The following ADAMTS13 variants were observed in gnomAD, a reference collection of about 807,000 sequenced individuals.
ADAMTS13 encodes A disintegrin and metalloproteinase with thrombospondin motifs 13.
In ADAMTS13, 110 loss-of-function variants were observed where a neutral mutation model predicts 155.1. The ratio of observed to expected loss-of-function variants is 0.71; its 90% CI spans 0.61 to 0.83. The LOEUF (loss-of-function observed/expected upper bound fraction) is 0.83, where lower values mean the gene tolerates loss of function less well. Among genes scored for constraint, ADAMTS13 ranks in the 40% least tolerant of loss-of-function variants. The pLI is 0.00. For synonymous variants in ADAMTS13, 758 were observed against 756.4 expected, an observed-to-expected ratio of 1.00 and a Z score of -0.03; for missense variants, 1,707 against 1,891.7, an observed-to-expected ratio of 0.90 and a Z score of 1.81.
chr9:133,417,684 C>A, upstream of ADAMTS13: 2 of 1,614,150 alleles, frequency 1.2e-6, no homozygotes, highest in Non-Finnish European at 1.7e-6. Context: ...CACCACAGCA[C>A]CGGGGCCGCT....
At chr9:133,450,108 G>A in intron 23 of ADAMTS13, 143 bp downstream of exon 23, 2 of 971,610 alleles carry the variant, frequency 2.1e-6, no homozygotes, top group East Asian at 5.3e-5. Context: ...GTCCAACCTG[G>A]GCAACACAGT....
Position 133,445,680 on chromosome 9 carries a change from T to C in ADAMTS13, c.2611-19T>C, listed in dbSNP as rs202206149. On this transcript the variant is annotated intron_variant, in intron 20 of 28. Coordinates refer to ENST00000355699, the MANE Select transcript of ADAMTS13 (RefSeq NM_139027.6). This position sits in a 1 kb window ranked among gnomAD's most constrained non-coding sequence, Gnocchi z 5.0. ...TCAGAGGAGGCCCAGACCCACCAGC[T>C]TGTTGCTATTCCCCACAGCTGGATG... The C allele has an allele frequency of 3.8e-3, 6,131 of 1,612,726 alleles. 17 individuals are homozygous for C. Among genetic ancestry groups the C allele is most frequent in the Non-Finnish European group, 4.6e-3 (5,426 of 1,179,828 alleles).
At position 133,445,166 on chromosome 9, in the gene ADAMTS13, C is replaced by A; in HGVS notation, c.2610+114C>A. 1 of 1,248,490 alleles carries A rather than the reference C, an allele frequency of 8.0e-7. No individual in the cohort carries two copies. The highest frequency in any genetic ancestry group is 1.1e-6 in the Non-Finnish European group (1 of 892,850). The allele number at this position is 1,248,490 out of a possible 1,614,324, so 77.3% of individuals were successfully genotyped here. ...AGGCCAGAGCAAGAACACCATCCTT[C>A]TGTGGGAATGCTGTCTGAGGGCCAC... On this transcript the variant is annotated intron_variant, in intron 20 of 28. Transcript: ENST00000355699. This position sits in a 1 kb window ranked among gnomAD's most constrained non-coding sequence, Gnocchi z 5.0.
At chr9:133,435,468 C>T (rs1841114104) in intron 11 of ADAMTS13, among the ~76,000 whole-genome samples, 1 of 151,402 alleles carries the variant, frequency 6.6e-6, no homozygotes, top group Non-Finnish European at 1.5e-5. Context: ...GGATTACAGG[C>T]ATGAGCCACC....
Position 133,424,520 on chromosome 9 carries a change from G to A in ADAMTS13, c.330+42G>A. The A allele has an allele frequency of 6.3e-7, 1 of 1,586,562 alleles. No homozygotes were observed. The highest frequency in any genetic ancestry group is 1.1e-5 in the South Asian group (1 of 88,002). On this transcript the variant is annotated intron_variant, in intron 3 of 28. Transcript: ENST00000355699. The surrounding 1 kb of genome is among the most constrained non-coding windows in gnomAD (Gnocchi z 4.3). ...GGACTGTGCAGGTCCCCACGGCCAG[G>A]GCTGGTGACCAATGTCTGTGGGCTG...
chr9:133,449,613 C>A (rs1554793746), intron 22 of ADAMTS13, among the ~76,000 whole-genome samples, 170 bp from the exon 23 acceptor site: 1 of 152,222 alleles, frequency 6.6e-6, no homozygotes, highest in Non-Finnish European at 1.5e-5. Context: ...TCTGTCCACT[C>A]TGCCAAGCCT....
intron 23 of ADAMTS13, 83 bp from the exon 24 acceptor site, chr9:133,454,332 C>A: frequency 6.6e-7 from 1 of 1,508,066 alleles, no homozygotes; most frequent in Non-Finnish European, 9.2e-7. Context: ...TGTCCGAGTA[C>A]ACGTGGGTGG....
intron 2 of ADAMTS13, among the ~76,000 whole-genome samples, chr9:133,423,395 C>T (rs191465854): frequency 6.6e-6 from 1 of 152,336 alleles, no homozygotes; most frequent in Non-Finnish European, 1.5e-5. Context: ...TGTTAAATAT[C>T]ACAAGGGAAC....
Position 133,430,804 on chromosome 9 carries a change from G to A in ADAMTS13, c.987+703G>A, listed in dbSNP as rs1037021077. Among the ~76,000 whole-genome samples, 6 of 151,772 alleles carry A rather than the reference G, an allele frequency of 4.0e-5. No individual in the cohort carries two copies. In the East Asian group the frequency reaches 9.7e-4, roughly 24 times the overall value. ...GCCTCCCGAGTAGCTGGGACTACAG[G>A]CGCCCGCCACCACGCCTGGCTAATT... is the stretch of plus-strand genomic sequence containing the variant. On this transcript the variant is annotated intron_variant, in intron 8 of 28. Transcript: ENST00000355699.
At chr9:133,443,591 A>G (rs1841848213) in intron 19 of ADAMTS13, 30 bp downstream of exon 19, 4 of 1,518,596 alleles carry the variant, frequency 2.6e-6, no homozygotes, top group Middle Eastern at 2.3e-4. Context: ...GGGCTGGGAG[A>G]GGGCCTTCCT....
At chr9:133,438,976 C>T (rs1165488029) in intron 14 of ADAMTS13, among the ~76,000 whole-genome samples, 1 of 151,428 alleles carries the variant, frequency 6.6e-6, no homozygotes, top group Non-Finnish European at 1.5e-5. Context: ...CTCTCCTGCT[C>T]AAGAAATCCC....
intron 16 of ADAMTS13, 139 bp from the exon 17 acceptor site, chr9:133,442,260 C>T (rs940880346): frequency 2.4e-5 from 33 of 1,361,214 alleles, no homozygotes; most frequent in East Asian, 1.6e-4. Context: ...CATGAGCTAC[C>T]GTGCCTGGCC....
Position 133,425,303 on chromosome 9 carries a change from T to A in ADAMTS13, c.331-226T>A, listed in dbSNP as rs1554784934. Among the ~76,000 whole-genome samples, 1 of 152,182 alleles carries A rather than the reference T, an allele frequency of 6.6e-6. No homozygotes were observed. Among genetic ancestry groups the A allele is most frequent in the African/African-American group, 2.4e-5 (1 of 41,452 alleles). On this transcript the variant is annotated intron_variant, in intron 3 of 28. Coordinates refer to ENST00000355699, the MANE Select transcript of ADAMTS13 (RefSeq NM_139027.6). The surrounding 1 kb of genome is among the most constrained non-coding windows in gnomAD (Gnocchi z 4.6). ...CTCATCCCCTTGCTTTGGAGTTTGT[T>A]TTCCTTGCGTTAGTTGGCCTTCCTG...
At position 133,454,097 on chromosome 9, in the gene ADAMTS13, C is replaced by T. The variant is rs963970619; in HGVS notation, c.3045-318C>T. On this transcript the variant is annotated intron_variant, in intron 23 of 28. Coordinates refer to ENST00000355699, the MANE Select transcript of ADAMTS13 (RefSeq NM_139027.6). Reference sequence around the variant, plus strand: ...ATCTGTCTCCTGTTACCCAGGGGCTCGCTTCCTGTTGCTGTTACTTGGGTC... The same window carrying T: ...ATCTGTCTCCTGTTACCCAGGGGCTTGCTTCCTGTTGCTGTTACTTGGGTC... 3.3e-5 allele frequency among the ~76,000 whole-genome samples: 5 copies of T among 152,206 alleles called. No homozygotes were observed. In the Middle Eastern group the frequency reaches 0.01, roughly 313 times the overall value.
intron 9 of ADAMTS13, 45 bp from the exon 10 acceptor site, chr9:133,433,320 GGGAGTCCTGTGGT>G: frequency 6.2e-7 from 1 of 1,606,940 alleles, no homozygotes; most frequent in Non-Finnish European, 8.5e-7. Context: ...TGTGTGTGTT[GGGAGTCCTGTGGT>G]GGGGTCACTG....
intron 24 of ADAMTS13, 105 bp downstream of exon 24, chr9:133,454,724 T>C (rs1230109306): frequency 7.2e-7 from 1 of 1,381,004 alleles, no homozygotes; most frequent in Non-Finnish European, 9.9e-7. Context: ...TCGTGTCCCC[T>C]GAAAGGAAGG....
intron 5 of ADAMTS13, 31 bp from the exon 6 acceptor site, chr9:133,426,168 A>G (rs1412717184): frequency 6.2e-7 from 1 of 1,613,834 alleles, no homozygotes; most frequent in Non-Finnish European, 8.5e-7. Flanking sequence ...GTGCCTTGGC[A>G]CCACCCAAGT....
At position 133,456,949 on chromosome 9, in the gene ADAMTS13, G is replaced by A. The variant is rs782765586; in HGVS notation, c.3724+230G>A. On this transcript the variant is annotated intron_variant, in intron 27 of 28. Coordinates refer to ENST00000355699, the MANE Select transcript of ADAMTS13 (RefSeq NM_139027.6). This position sits in a 1 kb window ranked among gnomAD's most constrained non-coding sequence, Gnocchi z 4.4. ...TTTGGGACCGTGCAGCAAGATGGAC[G>A]GATGTGGGACATGGTCCACATCCTC... The A allele has an allele frequency of 8.9e-5, 60 of 676,960 alleles. No homozygotes were observed. The highest frequency in any genetic ancestry group is 4.7e-4 in the South Asian group (31 of 65,280). The allele number at this position is 676,960 out of a possible 1,614,324, so 41.9% of individuals were successfully genotyped here.
At position 133,444,858 on chromosome 9, in the gene ADAMTS13, C is replaced by T. The variant is rs1303781724; in HGVS notation, c.2421-5C>T. 2 of 1,612,632 alleles carry T rather than the reference C, an allele frequency of 1.2e-6. No homozygotes were observed. The highest frequency in any genetic ancestry group is 2.7e-5 in the African/African-American group (2 of 74,934). On this transcript the variant is annotated splice_region_variant and splice_polypyrimidine_tract_variant and intron_variant, in intron 19 of 28. Coordinates refer to ENST00000355699, the MANE Select transcript of ADAMTS13 (RefSeq NM_139027.6). ...GGCCTGATGACTGTCTCATGCCATCCTCAGGTGGGAGGTGTCAGAGCCCAG... is the reference window on the plus strand; with the variant it reads ...GGCCTGATGACTGTCTCATGCCATCTTCAGGTGGGAGGTGTCAGAGCCCAG...
Sources: allele counts gnomAD v4.1 joint callset (sites outside exome capture counted in the v4.1 genomes callset), GRCh38; gene constraint gnomAD v4.1.1; non-coding constraint Gnocchi (gnomAD v3.1); transcripts MANE v1.5; gene names NCBI Gene and HGNC (gene_info 2026-07-23, HGNC 2026-07-21).